Variants in TTC7B observed in about 807,000 individuals in gnomAD.
TTC7B encodes the protein tetratricopeptide repeat domain 7B.
A neutral mutation model predicts 106.8 loss-of-function variants in TTC7B; 28 were observed. That is an observed-to-expected ratio of 0.26 (90% CI 0.19 to 0.36). TTC7B has a LOEUF of 0.36. Among genes scored for constraint, TTC7B ranks in the 10% least tolerant of loss-of-function variants. The pLI is 1.00. For synonymous variants in TTC7B, 405 were observed against 430.6 expected (o/e 0.94, Z 0.74); for missense variants, 862 against 1,076.4 (o/e 0.80, Z 2.79).
chr14:90,760,362 A>T lies in TTC7B; in HGVS notation c.446-15440T>A, dbSNP rs960249510. ...TATCCTCCACAGTCTGCAGAGGTGC[A>T]TGCCATACCTAGACCTGCCAGGGTT... is the stretch of plus-strand genomic sequence containing the variant. On this transcript the variant is annotated intron_variant, in intron 3 of 19. Transcript: ENST00000328459. Among the ~76,000 whole-genome samples, 3 of 152,298 alleles carry T rather than the reference A, an allele frequency of 2.0e-5. 1 individual carries two copies. The highest frequency in any genetic ancestry group is 1.3e-4 in the Admixed American group (2 of 15,304).
At chr14:90,724,136 C>T (rs1888999563) in intron 5 of TTC7B, among the ~76,000 whole-genome samples, 1 of 152,196 alleles carries the variant, frequency 6.6e-6, no homozygotes, top group Non-Finnish European at 1.5e-5. Flanking sequence ...GCCCACTTTT[C>T]CAAATCTTCA....
chr14:90,709,955 T>TAA (rs71461918), intron 5 of TTC7B, among the ~76,000 whole-genome samples: 12,929 of 105,466 alleles, frequency 0.12, 899 homozygotes, highest in African/African-American at 0.15. Flanking sequence ...TCTCTTTCGT[T>TAA]AAAAAAAAAA....
chr14:90,793,851 G>A (rs983321188), intron 1 of TTC7B, among the ~76,000 whole-genome samples: 16 of 150,140 alleles, frequency 1.1e-4, no homozygotes, highest in East Asian at 6.0e-4. Flanking sequence ...CAGGTGATCC[G>A]CCCGCCTCGG....
At position 90,687,636 on chromosome 14, in the gene TTC7B, C is replaced by A. The variant is rs561113012; in HGVS notation, c.950+1904G>T. On this transcript the variant is annotated intron_variant, in intron 7 of 19. Transcript: ENST00000328459. ...ATATAAATATCACTTAAAAATGAACCCCAAACCTGCTTCACAATGAGGGGT... is the reference window on the plus strand; with the variant it reads ...ATATAAATATCACTTAAAAATGAACACCAAACCTGCTTCACAATGAGGGGT... Among the ~76,000 whole-genome samples the A allele has an allele frequency of 2.4e-4, 36 of 152,164 alleles. No individual in the cohort carries two copies. The South Asian group carries it at 7.3e-3, about 31-fold the overall frequency.
chr14:90,749,992 T>C (rs1890090670), intron 3 of TTC7B, among the ~76,000 whole-genome samples: 1 of 152,220 alleles, frequency 6.6e-6, no homozygotes, highest in South Asian at 2.1e-4. Context: ...ACCAATGTTG[T>C]TTATGCAATT....
chr14:90,592,570 G>A lies in TTC7B; in HGVS notation c.2107+916C>T, dbSNP rs369002192. Reference sequence around the variant, plus strand: ...CTAAAAACACAAAAATTAGCTGGGCGTGGTGGTGGGCGCCTGTAATTCCAG... The same window carrying A: ...CTAAAAACACAAAAATTAGCTGGGCATGGTGGTGGGCGCCTGTAATTCCAG... On this transcript the variant is annotated intron_variant, in intron 18 of 19. Transcript: ENST00000328459. Among the ~76,000 whole-genome samples, 182 of 152,146 alleles carry A rather than the reference G, an allele frequency of 1.2e-3. 4 individuals are homozygous for A. The South Asian group carries it at 0.033, about 28-fold the overall frequency.
At position 90,816,312 on chromosome 14, in the gene TTC7B, C is replaced by G. The variant is rs2031187895; in HGVS notation, c.-17G>C. The stretch of plus-strand genomic sequence containing the variant: ...GGTCGCCATCGCGGCCTGGCCGGGC[C>G]CGGCCGCCCGCCCCGCAGGCCCCAC... On this transcript the variant is annotated 5_prime_UTR_variant, in exon 1 of 20. Coordinates refer to ENST00000328459, the MANE Select transcript of TTC7B (RefSeq NM_001010854.2). 9.0e-7 allele frequency: 1 copy of G among 1,116,420 alleles called. No homozygotes were observed. The highest frequency in any genetic ancestry group is 1.7e-5 in the African/African-American group (1 of 59,804). The allele number at this position is 1,116,420 out of a possible 1,614,324, so 69.2% of individuals were successfully genotyped here.
At chr14:90,772,324 AAAC>A (rs1890892264) in intron 3 of TTC7B, among the ~76,000 whole-genome samples, 1 of 152,202 alleles carries the variant, frequency 6.6e-6, no homozygotes, top group Non-Finnish European at 1.5e-5. Flanking sequence ...GAAAAGCTGA[AAAC>A]AACCTACATG....
intron 18 of TTC7B, among the ~76,000 whole-genome samples, chr14:90,579,431 T>C (rs1397143498): frequency 6.6e-6 from 1 of 152,236 alleles, no homozygotes; most frequent in Non-Finnish European, 1.5e-5. Context: ...TATGTTTGTA[T>C]GAATTAATAT....
intron 3 of TTC7B, 25 bp downstream of exon 3, chr14:90,780,713 C>G (rs1891190612): frequency 6.2e-7 from 1 of 1,605,282 alleles, no homozygotes; most frequent in African/African-American, 1.3e-5. Flanking sequence ...TCACGGGACA[C>G]TGTGTTAGAA....
chr14:90,659,943 T>G (rs184470775), intron 9 of TTC7B, among the ~76,000 whole-genome samples: 245 of 152,198 alleles, frequency 1.6e-3, no homozygotes, highest in African/African-American at 5.7e-3. Flanking sequence ...GTATCCCTGC[T>G]GAGAGGCCTT....
intron 13 of TTC7B, among the ~76,000 whole-genome samples, chr14:90,650,152 GAC>G (rs1221289642): frequency 6.6e-6 from 1 of 152,134 alleles, no homozygotes; most frequent in African/African-American, 2.4e-5. Flanking sequence ...TAGTCCATAA[GAC>G]ACATATCTTG....
At chr14:90,717,553 G>T (rs995747115) in intron 5 of TTC7B, among the ~76,000 whole-genome samples, 2 of 152,066 alleles carry the variant, frequency 1.3e-5, no homozygotes, top group Admixed American at 1.3e-4. Context: ...TGTATCCTAA[G>T]AAAAGTCATA....
intron 16 of TTC7B, among the ~76,000 whole-genome samples, chr14:90,617,376 G>A (rs1033477383): frequency 6.6e-6 from 1 of 152,122 alleles, no homozygotes; most frequent in Non-Finnish European, 1.5e-5. Context: ...CTGTGAATAG[G>A]TCTTAACATT....
chr14:90,689,795 TC>T (rs1374091877), intron 6 of TTC7B, 83 bp from the exon 7 acceptor site: 1 of 1,490,628 alleles, frequency 6.7e-7, no homozygotes, highest in Non-Finnish European at 9.1e-7. Context: ...AATATTTATA[TC>T]ATCACATTGT....
At chr14:90,632,399 G>T (rs1884739040) in intron 15 of TTC7B, among the ~76,000 whole-genome samples, 1 of 152,134 alleles carries the variant, frequency 6.6e-6, no homozygotes, top group South Asian at 2.1e-4. Flanking sequence ...GAGTATGTGT[G>T]TGTGTGCCCG....
At chr14:90,694,953 T>A (rs1047457642) in intron 6 of TTC7B, among the ~76,000 whole-genome samples, 28 of 135,234 alleles carry the variant, frequency 2.1e-4, no homozygotes, top group African/African-American at 7.0e-4. Context: ...ATATATTTAT[T>A]ATAAATATAT....
At chr14:90,792,596 G>A (rs1891625702) in intron 1 of TTC7B, among the ~76,000 whole-genome samples, 1 of 152,060 alleles carries the variant, frequency 6.6e-6, no homozygotes, top group South Asian at 2.1e-4. Context: ...AACAACAAAA[G>A]CAGCAACTGG....
chr14:90,654,142 T>C (rs560924045), intron 12 of TTC7B, among the ~76,000 whole-genome samples: 4 of 152,070 alleles, frequency 2.6e-5, no homozygotes, highest in Non-Finnish European at 5.9e-5. Flanking sequence ...AAAGCCAGGA[T>C]AGTATTTCCT....
Sources: gnomAD v4.1 joint callset for allele counts (sites outside exome capture counted in the v4.1 genomes callset) on GRCh38, gnomAD v4.1.1 for gene constraint, MANE v1.5 for transcripts, NCBI Gene and HGNC (gene_info 2026-07-23, HGNC 2026-07-21) for gene names.